EPHA3: variants seen among roughly 807,000 people sequenced by gnomAD.
The protein encoded by EPHA3 is EPH receptor A3.
Under a neutral mutation model 107.1 loss-of-function variants are expected in EPHA3, and 42 were observed. The observed-to-expected ratio is 0.39, with a 90% CI of 0.31 to 0.51. The LOEUF is 0.51. Ranked by LOEUF, EPHA3 falls within the 20% of genes least tolerant of loss-of-function variation. The probability of loss-of-function intolerance (pLI) is 0.78; values close to 1 mark genes in which losing one functional copy is unlikely to be tolerated. For synonymous variants in EPHA3, 461 were observed against 424.8 expected (o/e 1.09, Z -1.05); for missense variants, 1,183 against 1,211.2 (o/e 0.98, Z 0.35).
chr3:89,150,189 T>G (rs2107041042), intron 2 of EPHA3, among the ~76,000 whole-genome samples: 1 of 152,068 alleles, frequency 6.6e-6, no homozygotes, highest in African/African-American at 2.4e-5. Flanking sequence ...TCAAATTATG[T>G]TAAATCACAC....
chr3:89,246,446 CACA>C (rs1233433287), intron 3 of EPHA3, among the ~76,000 whole-genome samples: 1 of 152,074 alleles, frequency 6.6e-6, no homozygotes. Context: ...TGATGGGTCT[CACA>C]ACACTTTAAC....
At chr3:89,325,275 T>C (rs1707139957) in intron 3 of EPHA3, among the ~76,000 whole-genome samples, 1 of 152,180 alleles carries the variant, frequency 6.6e-6, no homozygotes, top group Non-Finnish European at 1.5e-5. Flanking sequence ...AATACATTTC[T>C]TTCTATGTCC....
At chr3:89,241,175 CCTATTTGATTT>C (rs1363011089) in intron 3 of EPHA3, among the ~76,000 whole-genome samples, 2 of 151,792 alleles carry the variant, frequency 1.3e-5, no homozygotes, top group Non-Finnish European at 2.9e-5. Flanking sequence ...TAATGTCTCT[CCTATTTGATTT>C]CTTTTTGTTT....
In EPHA3 at chr3:89,387,866, T is replaced by C. The variant is rs570277576; in HGVS notation, c.1307-7971T>C. 2.0e-5 allele frequency among the ~76,000 whole-genome samples: 3 copies of C among 152,232 alleles called. No individual in the cohort carries two copies. The East Asian group carries it at 5.8e-4, about 29-fold the overall frequency. The stretch of plus-strand genomic sequence containing the variant: ...GAGAAAAGGATAAGATTATAAATTA[T>C]AACAAAATTCTCCAGTCTTTAAAAC... On this transcript the variant is annotated intron_variant, in intron 5 of 16. Transcript: ENST00000336596.
chr3:89,265,763 T>TTA (rs1705523764), intron 3 of EPHA3, among the ~76,000 whole-genome samples: 1 of 152,120 alleles, frequency 6.6e-6, no homozygotes, highest in African/African-American at 2.4e-5. Flanking sequence ...ATTATGAAAT[T>TTA]TAGTACATTC....
chr3:89,158,434 G>A (rs1014837975), intron 2 of EPHA3, among the ~76,000 whole-genome samples: 3 of 152,026 alleles, frequency 2.0e-5, no homozygotes, highest in African/African-American at 7.2e-5. Context: ...CTATTAAAAG[G>A]AATGAAAGAA....
chr3:89,374,201 A>C lies in EPHA3; in HGVS notation c.1307-21636A>C, dbSNP rs111381086. Among the ~76,000 whole-genome samples the C allele has an allele frequency of 4.6e-3, 695 of 152,028 alleles. 4 individuals are homozygous for C. Among genetic ancestry groups the C allele is most frequent in the African/African-American group, 0.016 (664 of 41,516 alleles). On this transcript the variant is annotated intron_variant, in intron 5 of 16. Coordinates refer to ENST00000336596, the MANE Select transcript of EPHA3 (RefSeq NM_005233.6). ...AATACACCAAGTATACCACATACAA[A>C]AGAGAACTGCAAACAGTTGGAGCCA...
At chr3:89,282,357 ATATT>A (rs1705969642) in intron 3 of EPHA3, among the ~76,000 whole-genome samples, 1 of 152,300 alleles carries the variant, frequency 6.6e-6, no homozygotes, top group Middle Eastern at 3.4e-3. Flanking sequence ...GAAATAGCAG[ATATT>A]TATTCTCCAA....
intron 2 of EPHA3, among the ~76,000 whole-genome samples, chr3:89,162,775 G>A (rs917958135): frequency 6.6e-6 from 1 of 152,128 alleles, no homozygotes; most frequent in Non-Finnish European, 1.5e-5. Context: ...GGCTGAGATT[G>A]CAAGGCCTTT....
chr3:89,447,369 A>AT (rs1210484520), intron 13 of EPHA3, among the ~76,000 whole-genome samples: 2 of 151,912 alleles, frequency 1.3e-5, no homozygotes, highest in African/African-American at 4.8e-5. Context: ...CATTTCCTCA[A>AT]TTCTCTGCAC....
intron 3 of EPHA3, among the ~76,000 whole-genome samples, chr3:89,331,919 A>G (rs536529898): frequency 2.6e-5 from 4 of 152,226 alleles, no homozygotes; most frequent in African/African-American, 9.6e-5. Context: ...ACAAACAAAC[A>G]AGCAAACAAA....
chr3:89,131,963 T>C (rs933432834), intron 2 of EPHA3, among the ~76,000 whole-genome samples: 3 of 152,198 alleles, frequency 2.0e-5, no homozygotes, highest in African/African-American at 4.8e-5. Flanking sequence ...CCTCTGCGAC[T>C]CCATGGGTTG....
intron 3 of EPHA3, among the ~76,000 whole-genome samples, chr3:89,325,621 T>C (rs1315116182): frequency 6.6e-6 from 1 of 152,174 alleles, no homozygotes; most frequent in Non-Finnish European, 1.5e-5. Context: ...ACTCTCCAGT[T>C]CTTTCCTGCC....
At chr3:89,184,026 T>TTGG (rs1705504161) in intron 2 of EPHA3, among the ~76,000 whole-genome samples, 1 of 151,998 alleles carries the variant, frequency 6.6e-6, no homozygotes, top group African/African-American at 2.4e-5. Flanking sequence ...TTTTTAAGGT[T>TTGG]TGACCTTTTC....
Position 89,450,115 on chromosome 3 carries a change from C to A in EPHA3, c.2497-62C>A, listed in dbSNP as rs571545983. ...TATTTGTGAGCCCCGCCCATGAAAA[C>A]GTAAACTAAGTGACACTTCCTGAAA... is the stretch of plus-strand genomic sequence containing the variant. On this transcript the variant is annotated intron_variant, in intron 14 of 16. Transcript: ENST00000336596. The A allele has an allele frequency of 3.6e-6, 5 of 1,400,718 alleles. 1 individual carries two copies. In the South Asian group the frequency reaches 6.3e-5, roughly 18 times the overall value. The allele number at this position is 1,400,718 out of a possible 1,614,324, so 86.8% of individuals were successfully genotyped here. A position where few individuals can be genotyped will look rare whatever the true frequency, so the allele number is the denominator to read the frequency against.
intron 2 of EPHA3, among the ~76,000 whole-genome samples, chr3:89,133,142 C>T (rs1704241326): frequency 6.6e-6 from 1 of 152,130 alleles, no homozygotes; most frequent in Non-Finnish European, 1.5e-5. Flanking sequence ...TACATGTCTC[C>T]TTAAATCTCA....
intron 3 of EPHA3, among the ~76,000 whole-genome samples, chr3:89,285,098 G>C (rs1249487717): frequency 6.6e-6 from 1 of 152,082 alleles, no homozygotes; most frequent in Non-Finnish European, 1.5e-5. Flanking sequence ...ACTCCAGCTT[G>C]GGCAACAGAG....
At chr3:89,294,350 A>C (rs1706293249) in intron 3 of EPHA3, among the ~76,000 whole-genome samples, 1 of 152,160 alleles carries the variant, frequency 6.6e-6, no homozygotes, top group Non-Finnish European at 1.5e-5. Context: ...TCATTTGTTC[A>C]AATATTCTCC....
At chr3:89,153,882 C>T (rs1243333377) in intron 2 of EPHA3, among the ~76,000 whole-genome samples, 1 of 152,026 alleles carries the variant, frequency 6.6e-6, no homozygotes, top group Non-Finnish European at 1.5e-5. Flanking sequence ...CCCCCAGTGA[C>T]ATCTGTGACC....
Sources: gnomAD v4.1 joint callset for allele counts (sites outside exome capture counted in the v4.1 genomes callset) on GRCh38, gnomAD v4.1.1 for gene constraint, MANE v1.5 for transcripts, NCBI Gene and HGNC (gene_info 2026-07-23, HGNC 2026-07-21) for gene names.